SLC15A2: variants seen among roughly 807,000 people sequenced by gnomAD.
SLC15A2 encodes the protein kidney H(+)/peptide cotransporter.
In SLC15A2, 77 loss-of-function variants were observed where a neutral mutation model predicts 95.5. That is an observed-to-expected ratio of 0.81 (90% CI 0.67 to 0.97). The LOEUF (loss-of-function observed/expected upper bound fraction) is 0.97. Ranked by LOEUF, SLC15A2 falls within the 50% of genes least tolerant of loss-of-function variation. The pLI, the probability that SLC15A2 is intolerant of heterozygous loss-of-function variation, is 0.00. For missense variants in SLC15A2, 893 were observed against 874.4 expected, an observed-to-expected ratio of 1.02 and a Z score of -0.27; for synonymous variants, 306 against 306.9, an observed-to-expected ratio of 1.00 and a Z score of 0.03.
intron 13 of SLC15A2, 89 bp downstream of exon 13, chr3:121,925,122 A>G: frequency 1.1e-6 from 1 of 927,386 alleles, no homozygotes; most frequent in Non-Finnish European, 1.8e-6. Context: ...TATTTTTCTT[A>G]GTGAGGATTG....
Position 121,928,512 on chromosome 3 carries a change from A to G in SLC15A2, c.1298A>G (p.Asn433Ser). ...GAGGTGAAGGTGACAGTGGTGGGAA[A>G]TGAAAACAATTCTCTGTTGATAGAG... ...DDEVKVTVVG[N>S]ENNSLLIESI... Residue 433 changes from asparagine to serine, a missense_variant, in exon 15 of 22, where the codon AAT becomes AGT. Physicochemically the swap from Asn to Ser is conservative, Grantham distance 46 (BLOSUM62 1). Coordinates refer to ENST00000489711, the MANE Select transcript of SLC15A2 (RefSeq NM_021082.4). 1 of 1,614,190 alleles carries G rather than the reference A, an allele frequency of 6.2e-7. No homozygotes were observed. The highest frequency in any genetic ancestry group is 8.5e-7 in the Non-Finnish European group (1 of 1,179,992).
intron 13 of SLC15A2, among the ~76,000 whole-genome samples, chr3:121,925,862 TCCCTCCC>T (rs1428920443): frequency 6.8e-6 from 1 of 146,012 alleles, no homozygotes; most frequent in African/African-American, 2.5e-5. Flanking sequence ...AAAGAAAAAG[TCCCTCCC>T]CTGCCAAAGC....
intron 3 of SLC15A2, among the ~76,000 whole-genome samples, chr3:121,897,777 C>T (rs1709446967): frequency 6.6e-6 from 1 of 152,116 alleles, no homozygotes; most frequent in Admixed American, 6.5e-5. Flanking sequence ...ATCTTTTGTT[C>T]CTTAAAACTA....
chr3:121,905,477 T>G (rs1433701480), intron 3 of SLC15A2, among the ~76,000 whole-genome samples: 1 of 152,242 alleles, frequency 6.6e-6, no homozygotes, highest in Non-Finnish European at 1.5e-5. Flanking sequence ...CTTTCTCTCG[T>G]GGGCATTTAG....
chr3:121,919,917 A>G (rs1366668174), intron 7 of SLC15A2, among the ~76,000 whole-genome samples: 1 of 152,208 alleles, frequency 6.6e-6, no homozygotes, highest in Non-Finnish European at 1.5e-5. Flanking sequence ...TAGGAGGAGG[A>G]ATATCACCTT....
chr3:121,905,779 A>G (rs1709626159), intron 3 of SLC15A2, among the ~76,000 whole-genome samples: 1 of 152,160 alleles, frequency 6.6e-6, no homozygotes, highest in Admixed American at 6.5e-5. Flanking sequence ...TATGTGGTCA[A>G]TTTTGGAATA....
chr3:121,926,606 G>A (rs1369648120), intron 13 of SLC15A2, among the ~76,000 whole-genome samples: 1 of 152,200 alleles, frequency 6.6e-6, no homozygotes, highest in Non-Finnish European at 1.5e-5. Context: ...CAGGGGTGGA[G>A]CCCCCAGAGA....
intron 4 of SLC15A2, among the ~76,000 whole-genome samples, chr3:121,911,985 A>G (rs1709777305): frequency 6.6e-6 from 1 of 152,104 alleles, no homozygotes; most frequent in Non-Finnish European, 1.5e-5. Context: ...AAACTCTATA[A>G]TGTTTCCTTA....
At chr3:121,922,731 G>GT (rs750807913) in intron 8 of SLC15A2, 44 bp from the exon 9 acceptor site, 1 of 1,447,922 alleles carries the variant, frequency 6.9e-7, no homozygotes, top group South Asian at 1.2e-5. Flanking sequence ...GGCAGAGGAT[G>GT]TTTTTCTCTT....
intron 7 of SLC15A2, among the ~76,000 whole-genome samples, chr3:121,921,692 T>C (rs779552901): frequency 9.9e-5 from 15 of 151,580 alleles, no homozygotes; most frequent in Non-Finnish European, 1.5e-4. Context: ...TGGCATCAGA[T>C]TAAAGAAGGA....
chr3:121,936,714 A>T (rs1710355588), intron 19 of SLC15A2, among the ~76,000 whole-genome samples: 1 of 149,892 alleles, frequency 6.7e-6, no homozygotes, highest in Non-Finnish European at 1.5e-5. Context: ...TTGACTCTTT[A>T]TCCAATTTGC....
chr3:121,926,948 C>T (rs552634944), intron 13 of SLC15A2, among the ~76,000 whole-genome samples: 4 of 152,372 alleles, frequency 2.6e-5, no homozygotes, highest in African/African-American at 9.6e-5. Context: ...TAATAACTGC[C>T]CTGCTGTGTT....
At chr3:121,931,774 A>T (rs1465974250) in intron 19 of SLC15A2, 39 bp downstream of exon 19, 1 of 1,198,458 alleles carries the variant, frequency 8.3e-7, no homozygotes, top group Admixed American at 1.7e-5. Flanking sequence ...CTCTCTCCAT[A>T]TACATATATC....
intron 7 of SLC15A2, among the ~76,000 whole-genome samples, chr3:121,920,117 T>C (rs941249622): frequency 1.3e-5 from 2 of 152,190 alleles, no homozygotes; most frequent in Non-Finnish European, 1.5e-5. Flanking sequence ...TTAAGTGTCT[T>C]TGACATGTAA....
chr3:121,923,158 C>T (rs754147104), intron 10 of SLC15A2, 29 bp downstream of exon 10: 1 of 1,612,894 alleles, frequency 6.2e-7, no homozygotes, highest in Non-Finnish European at 8.5e-7. Flanking sequence ...GACATTACCG[C>T]TCCTTACAGC....
chr3:121,896,989 A>G (rs951413396), intron 2 of SLC15A2, among the ~76,000 whole-genome samples: 2 of 149,758 alleles, frequency 1.3e-5, no homozygotes, highest in African/African-American at 4.9e-5. Context: ...ATGAGCTAAC[A>G]GCTCTTGGCT....
intron 19 of SLC15A2, among the ~76,000 whole-genome samples, chr3:121,936,364 G>T (rs552535360): frequency 9.5e-4 from 144 of 152,214 alleles, no homozygotes; most frequent in African/African-American, 3.4e-3. Context: ...TGACAGTGGG[G>T]TGTTAAAGTC....
intron 19 of SLC15A2, among the ~76,000 whole-genome samples, chr3:121,935,649 C>T (rs1710328312): frequency 6.6e-6 from 1 of 151,586 alleles, no homozygotes; most frequent in African/African-American, 2.4e-5. Flanking sequence ...TTTGATTCTT[C>T]TCTCTTTTTT....
At chr3:121,914,909 C>A in intron 5 of SLC15A2, 13 of 659,810 alleles carry the variant, frequency 2.0e-5, no homozygotes, top group Non-Finnish European at 2.5e-5. Flanking sequence ...AAAACCCAGA[C>A]ATTTAATGCA....
Sources: gnomAD v4.1 joint callset for allele counts (sites outside exome capture counted in the v4.1 genomes callset) on GRCh38, gnomAD v4.1.1 for gene constraint, MANE v1.5 for transcripts, NCBI Gene and HGNC (gene_info 2026-07-23, HGNC 2026-07-21) for gene names.